Variants in TMEM128 observed in about 807,000 individuals in gnomAD.
TMEM128 encodes transmembrane protein 128.
Under a neutral mutation model 19.7 loss-of-function variants are expected in TMEM128, and 16 were observed. That is an observed-to-expected ratio of 0.81 (90% CI 0.55 to 1.23). The LOEUF is 1.23. TMEM128 is among the 50% of genes most tolerant of loss of function. The probability of loss-of-function intolerance (pLI) is 0.00; values close to 1 mark genes in which losing one functional copy is unlikely to be tolerated. For synonymous variants in TMEM128, 98 were observed against 75.8 expected (o/e 1.29, Z -1.52); for missense variants, 237 against 200.8 (o/e 1.18, Z -1.09).
intron 3 of TMEM128, among the ~76,000 whole-genome samples, chr4:4,239,068 G>A (rs368663647): frequency 6.6e-6 from 1 of 152,046 alleles, no homozygotes; most frequent in Non-Finnish European, 1.5e-5. Context: ...TTGATATAAA[G>A]AAAGAAAAAA....
At chr4:4,242,588 G>A (rs1052380699) in intron 2 of TMEM128, among the ~76,000 whole-genome samples, 12 of 151,518 alleles carry the variant, frequency 7.9e-5, no homozygotes, top group African/African-American at 2.7e-4. Flanking sequence ...GCACGATCTC[G>A]GCTCACTGCA....
At chr4:4,246,148 T>A in intron 2 of TMEM128, 54 bp downstream of exon 2, 2 of 1,546,636 alleles carry the variant, frequency 1.3e-6, no homozygotes, top group Non-Finnish European at 8.7e-7. Context: ...TAACAAAATA[T>A]AACACGAAAA....
In TMEM128 at chr4:4,240,362, C is replaced by G; in HGVS notation, c.357G>C (p.Leu119Phe). Residue 119 changes from leucine to phenylalanine, a missense_variant, in exon 3 of 5, where the codon TTG (leucine) becomes TTC (phenylalanine). Transcript: ENST00000382753. ...IGEYDVKYPA[L>F]IPITTASFIA... is the part of the protein sequence containing the mutation. The stretch of plus-strand genomic sequence containing the variant: ...TAAAGGAGGCAGTGGTAATGGGTAT[C>G]AAGGCTGGATACTTGACATCATATT... 6.2e-7 allele frequency: 1 copy of G among 1,614,068 alleles called. No homozygotes were observed. The highest frequency in any genetic ancestry group is 8.5e-7 in the Non-Finnish European group (1 of 1,180,014).
At position 4,240,401 on chromosome 4, in the gene TMEM128, A is replaced by G. The variant is rs144061281; in HGVS notation, c.318T>C (p.Tyr106=). The G allele has an allele frequency of 5.6e-6, 9 of 1,614,200 alleles. No individual in the cohort carries two copies. Among genetic ancestry groups the G allele is most frequent in the African/African-American group, 2.7e-5 (2 of 75,066 alleles). The part of the protein sequence containing the change: ...AFYCIVYLEW[Y]CGIGEYDVKY... Reference sequence around the variant, plus strand: ...TGACATCATATTCTCCAATTCCACAATACCATTCCAGGTAGACTATGCAGT... The same window carrying G: ...TGACATCATATTCTCCAATTCCACAGTACCATTCCAGGTAGACTATGCAGT... Residue 106 remains tyrosine, a synonymous_variant, in exon 3 of 5, where the codon TAT becomes TAC. Coordinates refer to ENST00000382753, the MANE Select transcript of TMEM128 (RefSeq NM_001297551.2).
chr4:4,239,101 G>C (rs990740809), intron 3 of TMEM128, among the ~76,000 whole-genome samples: 1 of 152,096 alleles, frequency 6.6e-6, no homozygotes, highest in Non-Finnish European at 1.5e-5. Context: ...ACACAACATA[G>C]GAAAAGTAGT....
chr4:4,241,925 C>T (rs555274665), intron 2 of TMEM128, among the ~76,000 whole-genome samples: 33 of 152,192 alleles, frequency 2.2e-4, no homozygotes, highest in African/African-American at 5.1e-4. Flanking sequence ...ATTTCTGAGC[C>T]GGAGTCTTGC....
chr4:4,242,301 G>A (rs1264219060), intron 2 of TMEM128, among the ~76,000 whole-genome samples: 2 of 73,968 alleles, frequency 2.7e-5, no homozygotes, highest in Non-Finnish European at 7.2e-5. Context: ...CAATCTCACT[G>A]GGGGGAGTAT....
At chr4:4,241,575 C>G (rs981434647) in intron 2 of TMEM128, among the ~76,000 whole-genome samples, 1 of 152,204 alleles carries the variant, frequency 6.6e-6, no homozygotes, top group African/African-American at 2.4e-5. Flanking sequence ...TACAAAGGCA[C>G]AAAGTGAACT....
chr4:4,247,835 G>A (rs1718254495), intron 1 of TMEM128: 1 of 1,433,628 alleles, frequency 7.0e-7, no homozygotes, highest in East Asian at 2.5e-5. Context: ...CATGTTTCTG[G>A]TAAATCCTTA....
At chr4:4,247,688 T>C (rs2916467) in intron 1 of TMEM128, 630,087 of 1,611,474 alleles carry the variant, frequency 0.39, 125,133 homozygotes, top group African/African-American at 0.5. Context: ...GTCGACCTGA[T>C]GTGTCAGGTA....
chr4:4,247,794 C>G, intron 1 of TMEM128: 2 of 1,459,896 alleles, frequency 1.4e-6, no homozygotes, highest in Non-Finnish European at 1.8e-6. Flanking sequence ...AAGTGAAACA[C>G]TGCGCACATC....
intron 1 of TMEM128, 116 bp from the exon 2 acceptor site, chr4:4,246,459 C>G (rs1718178245): frequency 9.4e-7 from 1 of 1,066,558 alleles, no homozygotes; most frequent in Non-Finnish European, 1.3e-6. Flanking sequence ...CCCATGATAA[C>G]AAATCCTTCT....
intron 3 of TMEM128, 154 bp downstream of exon 3, chr4:4,240,167 A>T: frequency 1.5e-6 from 1 of 667,354 alleles, no homozygotes; most frequent in Middle Eastern, 4.2e-4. Context: ...AGAAAGAGAT[A>T]CTAATCAAAA....
chr4:4,243,442 C>T (rs945501227), intron 2 of TMEM128, among the ~76,000 whole-genome samples: 1 of 152,114 alleles, frequency 6.6e-6, no homozygotes, highest in Non-Finnish European at 1.5e-5. Flanking sequence ...AACCTTAAGG[C>T]CTCAAGCTTC....
intron 2 of TMEM128, 119 bp downstream of exon 2, chr4:4,246,083 T>TC: frequency 9.4e-7 from 1 of 1,062,632 alleles, no homozygotes; most frequent in Non-Finnish European, 1.3e-6. Context: ...TCACCACACC[T>TC]CCAACACAGG....
chr4:4,242,888 A>G (rs1386448470), intron 2 of TMEM128, among the ~76,000 whole-genome samples: 1 of 152,062 alleles, frequency 6.6e-6, no homozygotes. Context: ...CCCTGGCTTT[A>G]TATCACAGTC....
chr4:4,239,745 C>T (rs1220989493), intron 3 of TMEM128, among the ~76,000 whole-genome samples: 5 of 152,170 alleles, frequency 3.3e-5, no homozygotes, highest in South Asian at 2.1e-4. Context: ...CTGTTCCCGG[C>T]GACAATATGA....
chr4:4,242,752 C>G (rs978606704), intron 2 of TMEM128, among the ~76,000 whole-genome samples: 1 of 152,106 alleles, frequency 6.6e-6, no homozygotes, highest in Non-Finnish European at 1.5e-5. Context: ...CTCCTGACCT[C>G]AGGTGATCCA....
intron 3 of TMEM128, among the ~76,000 whole-genome samples, chr4:4,239,183 G>C (rs1717847370): frequency 6.6e-6 from 1 of 152,012 alleles, no homozygotes; most frequent in South Asian, 2.1e-4. Context: ...TTTTTCCTCA[G>C]TGAGCAAGTA....
Sources: gnomAD v4.1 joint callset for allele counts (sites outside exome capture counted in the v4.1 genomes callset) on GRCh38, gnomAD v4.1.1 for gene constraint, MANE v1.5 for transcripts, NCBI Gene and HGNC (gene_info 2026-07-23, HGNC 2026-07-21) for gene names.